Variants in SETDB1 observed in about 807,000 individuals in gnomAD.
SETDB1 encodes SET domain bifurcated histone lysine methyltransferase 1.
In SETDB1, 31 loss-of-function variants were observed where a neutral mutation model predicts 137.4. The ratio of observed to expected loss-of-function variants is 0.23; its 90% confidence interval spans 0.17 to 0.30. The LOEUF (loss-of-function observed/expected upper bound fraction) is 0.30, where lower values mean the gene tolerates loss of function less well. Ranked by LOEUF, SETDB1 falls within the 10% of genes least tolerant of loss-of-function variation. The pLI, the probability that SETDB1 is intolerant of heterozygous loss-of-function variation, is 1.00. For synonymous variants in SETDB1, 548 were observed against 579.9 expected (o/e 0.95, Z 0.79); for missense variants, 1,113 against 1,631.5 (o/e 0.68, Z 5.47).
chr1:150,934,451 C>T (rs1268286546), intron 3 of SETDB1, among the ~76,000 whole-genome samples: 4 of 151,992 alleles, frequency 2.6e-5, no homozygotes, highest in East Asian at 1.9e-4. Context: ...CCAGCCTGGG[C>T]GACAGAGCGA....
rs761646567 is a variant in SETDB1, at chr1:150,963,180, A to T, written c.3460+41A>T. The T allele has an allele frequency of 3.2e-6, 5 of 1,578,762 alleles. No homozygotes were observed. In the South Asian group the frequency reaches 5.6e-5, roughly 18 times the overall value. ...TTTGGGAATGGTGGGAAGAAATAGT[A>T]AGAAACTTGGGATAGAGCATTTTTT... is the stretch of plus-strand genomic sequence containing the variant. On this transcript the variant is annotated intron_variant, in intron 19 of 21. Transcript: ENST00000692827.
At chr1:150,962,036 C>T in intron 16 of SETDB1, 94 bp from the exon 17 acceptor site, 1 of 1,438,430 alleles carries the variant, frequency 7.0e-7, no homozygotes, top group Non-Finnish European at 9.8e-7. Context: ...CTGTCACTGG[C>T]TGATGTTATC....
Position 150,964,585 on chromosome 1 carries a change from C to A in SETDB1, c.*221C>A. 1 of 686,586 alleles carries A rather than the reference C, an allele frequency of 1.5e-6. No homozygotes were observed. Among genetic ancestry groups the A allele is most frequent in the South Asian group, 1.5e-5 (1 of 66,018 alleles). 42.5% of individuals were successfully genotyped at this position (686,586 alleles called of 1,614,324 possible). On this transcript the variant is annotated 3_prime_UTR_variant, in exon 22 of 22. Transcript: ENST00000692827. ...GGCCCTAAAGGGTGGGGAGAGATCA[C>A]CACTCTAACCTCGGCCTGACATCCC...
At chr1:150,942,193 C>T (rs1670185712) in intron 5 of SETDB1, among the ~76,000 whole-genome samples, 1 of 150,836 alleles carries the variant, frequency 6.6e-6, no homozygotes, top group Admixed American at 6.6e-5. Flanking sequence ...ATAATCCCAG[C>T]ACTTTGGGAG....
chr1:150,949,574 CTG>C, intron 12 of SETDB1, 49 bp downstream of exon 12: 1 of 1,557,934 alleles, frequency 6.4e-7, no homozygotes, highest in Non-Finnish European at 8.8e-7. Context: ...TGAGTGGTCA[CTG>C]TGTAGGGGAA....
intron 10 of SETDB1, among the ~76,000 whole-genome samples, chr1:150,948,851 T>A (rs1670411193): frequency 6.6e-6 from 1 of 151,834 alleles, no homozygotes; most frequent in Non-Finnish European, 1.5e-5. Context: ...TCCGAGCAGC[T>A]GGAATTACAG....
At chr1:150,953,641 C>T (rs933721355) in intron 14 of SETDB1, among the ~76,000 whole-genome samples, 1 of 151,986 alleles carries the variant, frequency 6.6e-6, no homozygotes, top group Admixed American at 6.6e-5. Flanking sequence ...ACAGCCTGGC[C>T]AACATGGTGA....
At chr1:150,953,158 G>T (rs1407383570) in intron 14 of SETDB1, among the ~76,000 whole-genome samples, 1 of 152,190 alleles carries the variant, frequency 6.6e-6, no homozygotes, top group Non-Finnish European at 1.5e-5. Context: ...TGAGGAGGGT[G>T]AGGCCGAAAG....
At position 150,962,466 on chromosome 1, in the gene SETDB1, C is replaced by T. The variant is rs1267735533; in HGVS notation, c.3162-121C>T. The T allele has an allele frequency of 7.5e-6, 7 of 930,506 alleles. No individual in the cohort carries two copies. The Admixed American group carries it at 7.8e-5, about 10-fold the overall frequency. 57.6% of individuals were successfully genotyped at this position (930,506 alleles called of 1,614,324 possible). On this transcript the variant is annotated intron_variant, in intron 17 of 21. Transcript: ENST00000692827. Reference sequence around the variant, plus strand: ...TGCTGGGATTACAGCCATGAGCTACCGTGTCCAGCCCAGTGCCTGTCTTTT... The same window carrying T: ...TGCTGGGATTACAGCCATGAGCTACTGTGTCCAGCCCAGTGCCTGTCTTTT...
At chr1:150,963,814 A>C in intron 20 of SETDB1, 73 bp downstream of exon 20, 1 of 1,462,486 alleles carries the variant, frequency 6.8e-7, no homozygotes, top group Non-Finnish European at 9.6e-7. Flanking sequence ...CATACTCTAT[A>C]AGCCCTTTTC....
chr1:150,958,346 G>A (rs1192179722), intron 14 of SETDB1, among the ~76,000 whole-genome samples: 1 of 149,450 alleles, frequency 6.7e-6, no homozygotes, highest in Non-Finnish European at 1.5e-5. Flanking sequence ...CCGCCTCCTG[G>A]GTTCAAGGAA....
At chr1:150,938,119 AC>A (rs1377322357) in intron 3 of SETDB1, among the ~76,000 whole-genome samples, 1 of 151,758 alleles carries the variant, frequency 6.6e-6, no homozygotes, top group Non-Finnish European at 1.5e-5. Flanking sequence ...TACTCATGAG[AC>A]TGAGCCAGAA....
chr1:150,942,496 C>G, intron 5 of SETDB1, 67 bp from the exon 6 acceptor site: 3 of 1,421,130 alleles, frequency 2.1e-6, no homozygotes, highest in Non-Finnish European at 2.9e-6. Context: ...ATACTACCCT[C>G]TTTACCTTCC....
At chr1:150,951,116 C>A (rs199672884) in intron 13 of SETDB1, 26 bp downstream of exon 13, 97 of 1,587,338 alleles carry the variant, frequency 6.1e-5, no homozygotes, top group Middle Eastern at 3.4e-4. Flanking sequence ...GAATTGCTGC[C>A]CCTGCTTCCA....
At chr1:150,930,486 T>C (rs1669690622) in intron 3 of SETDB1, 1 of 156,798 alleles carries the variant, frequency 6.4e-6, no homozygotes, top group South Asian at 2.0e-4. Context: ...CTCACATAGT[T>C]CTAGAAGCTT....
chr1:150,963,902 A>T, intron 20 of SETDB1, 93 bp from the exon 21 acceptor site: 2 of 1,314,522 alleles, frequency 1.5e-6, no homozygotes, highest in Non-Finnish European at 2.2e-6. Flanking sequence ...GGGGAGGGTC[A>T]GATGGCATCA....
chr1:150,933,368 CTT>C (rs71090112), intron 3 of SETDB1, among the ~76,000 whole-genome samples: 12 of 118,830 alleles, frequency 1.0e-4, no homozygotes, highest in East Asian at 2.5e-4. Context: ...CCTATTTTGT[CTT>C]TTTTTTTTTT....
chr1:150,954,769 A>G (rs1571654698), intron 14 of SETDB1, among the ~76,000 whole-genome samples: 2 of 152,352 alleles, frequency 1.3e-5, no homozygotes, highest in South Asian at 4.1e-4. Context: ...CAAACTATCA[A>G]TTTGGTGTTA....
At chr1:150,932,113 C>T (rs1283086287) in intron 3 of SETDB1, among the ~76,000 whole-genome samples, 2 of 151,632 alleles carry the variant, frequency 1.3e-5, no homozygotes, top group Non-Finnish European at 2.9e-5. Context: ...TGGCTGGATG[C>T]TGTGACTCAT....
Sources: gnomAD v4.1 joint callset for allele counts (sites outside exome capture counted in the v4.1 genomes callset) on GRCh38, gnomAD v4.1.1 for gene constraint, MANE v1.5 for transcripts, NCBI Gene and HGNC (gene_info 2026-07-23, HGNC 2026-07-21) for gene names.